Variants in NR2F1-AS1 observed in about 807,000 individuals in gnomAD.
NR2F1-AS1 encodes the protein NR2F1 regulatory antisense RNA 1.
intron 4 of NR2F1-AS1, among the ~76,000 whole-genome samples, chr5:93,436,532 T>C (rs1287139756): frequency 2.6e-5 from 4 of 152,172 alleles, no homozygotes; most frequent in Non-Finnish European, 5.9e-5. Flanking sequence ...CACTAACATA[T>C]TTCAGACATT....
chr5:93,477,897 T>A (rs1750518079), intron 4 of NR2F1-AS1, among the ~76,000 whole-genome samples: 1 of 152,202 alleles, frequency 6.6e-6, no homozygotes. Flanking sequence ...CTCATAATTA[T>A]AAATATAATC....
intron 4 of NR2F1-AS1, among the ~76,000 whole-genome samples, chr5:93,419,120 T>C (rs1305999766): frequency 6.6e-6 from 1 of 152,208 alleles, no homozygotes; most frequent in East Asian, 1.9e-4. Flanking sequence ...TGGCCAACAG[T>C]TGAAGGATGA....
chr5:93,568,388 CT>C (rs1220949853), intron 1 of NR2F1-AS1, among the ~76,000 whole-genome samples: 2 of 152,134 alleles, frequency 1.3e-5, no homozygotes, highest in African/African-American at 4.8e-5. Flanking sequence ...ATGCACCTTA[CT>C]ATGTCTTACT....
At chr5:93,433,937 C>T (rs1004682370) in intron 4 of NR2F1-AS1, among the ~76,000 whole-genome samples, 8 of 152,142 alleles carry the variant, frequency 5.3e-5, no homozygotes, top group Admixed American at 1.3e-4. Context: ...ATGACCTACA[C>T]GCAGCCTCCC....
chr5:93,486,238 A>C (rs891746663), intron 4 of NR2F1-AS1, among the ~76,000 whole-genome samples: 1 of 151,142 alleles, frequency 6.6e-6, no homozygotes, highest in Non-Finnish European at 1.5e-5. Flanking sequence ...CATTGTGCAC[A>C]TGTACCCTAA....
chr5:93,514,527 G>A (rs1751363759), intron 4 of NR2F1-AS1, among the ~76,000 whole-genome samples: 1 of 152,046 alleles, frequency 6.6e-6, no homozygotes, highest in Admixed American at 6.6e-5. Flanking sequence ...TGCAAATCTA[G>A]GAGAAAGACT....
chr5:93,578,032 T>C (rs1340790365), intron 1 of NR2F1-AS1, among the ~76,000 whole-genome samples: 1 of 152,188 alleles, frequency 6.6e-6, no homozygotes, highest in East Asian at 1.9e-4. Flanking sequence ...AATGAATGAC[T>C]TTCGGGAGAC....
At chr5:93,573,149 C>G (rs1752814454) in intron 1 of NR2F1-AS1, among the ~76,000 whole-genome samples, 1 of 152,230 alleles carries the variant, frequency 6.6e-6, no homozygotes, top group Non-Finnish European at 1.5e-5. Flanking sequence ...GTAGTCTTCG[C>G]AAGACCGCAG....
At chr5:93,462,635 A>C (rs1310839861) in intron 4 of NR2F1-AS1, among the ~76,000 whole-genome samples, 2 of 152,186 alleles carry the variant, frequency 1.3e-5, no homozygotes, top group Non-Finnish European at 2.9e-5. Flanking sequence ...AACTTCCTAG[A>C]GATTTGTTGA....
At chr5:93,422,641 T>C (rs1346706450) in intron 4 of NR2F1-AS1, among the ~76,000 whole-genome samples, 2 of 152,216 alleles carry the variant, frequency 1.3e-5, no homozygotes, top group Non-Finnish European at 2.9e-5. Context: ...TTTATCTTCA[T>C]ATTAAAACAA....
intron 1 of NR2F1-AS1, among the ~76,000 whole-genome samples, chr5:93,573,522 GGACATGGCCCTCACTGCAGT>G (rs1281833266): frequency 1.3e-5 from 2 of 152,146 alleles, no homozygotes; most frequent in African/African-American, 4.8e-5. Flanking sequence ...ACGAACAAGG[GGACATGGCCCTCACTGCAGT>G]GACAGGGCTT....
At chr5:93,524,201 G>A (rs546630264) in intron 4 of NR2F1-AS1, among the ~76,000 whole-genome samples, 3 of 151,862 alleles carry the variant, frequency 2.0e-5, no homozygotes, top group South Asian at 4.2e-4. Flanking sequence ...TGAGACCTTC[G>A]TGAAGCATAC....
intron 4 of NR2F1-AS1, among the ~76,000 whole-genome samples, chr5:93,445,513 T>A (rs1039837972): frequency 6.6e-6 from 1 of 151,918 alleles, no homozygotes; most frequent in Non-Finnish European, 1.5e-5. Context: ...GTTGAATCCC[T>A]GAATAGACCA....
intron 4 of NR2F1-AS1, among the ~76,000 whole-genome samples, chr5:93,548,853 A>C (rs916809607): frequency 2.6e-5 from 4 of 152,218 alleles, no homozygotes; most frequent in African/African-American, 4.8e-5. Context: ...CCTGGATGAT[A>C]AGAGTGAGAA....
intron 4 of NR2F1-AS1, chr5:93,544,132 T>G (rs1406715058): frequency 6.6e-6 from 1 of 152,164 alleles, no homozygotes; most frequent in African/African-American, 2.4e-5. Flanking sequence ...TAAAATATTT[T>G]TATACAAAGT....
At chr5:93,499,842 C>T (rs1751041391) in intron 4 of NR2F1-AS1, among the ~76,000 whole-genome samples, 1 of 152,200 alleles carries the variant, frequency 6.6e-6, no homozygotes, top group South Asian at 2.1e-4. Flanking sequence ...AGCCTTATTG[C>T]TGATGCAGAG....
chr5:93,501,038 C>T (rs1267781144), intron 4 of NR2F1-AS1, among the ~76,000 whole-genome samples: 3 of 152,082 alleles, frequency 2.0e-5, no homozygotes, highest in Non-Finnish European at 4.4e-5. Context: ...ATTCTAGATG[C>T]TATTAAAACA....
At chr5:93,422,937 C>G (rs1285323303) in intron 4 of NR2F1-AS1, among the ~76,000 whole-genome samples, 1 of 152,154 alleles carries the variant, frequency 6.6e-6, no homozygotes, top group Non-Finnish European at 1.5e-5. Context: ...CAGCCCCTAC[C>G]CCAGCGGCTG....
chr5:93,502,930 T>C (rs995987968), intron 4 of NR2F1-AS1, among the ~76,000 whole-genome samples: 1 of 152,106 alleles, frequency 6.6e-6, no homozygotes, highest in Non-Finnish European at 1.5e-5. Flanking sequence ...ACAAATTTAA[T>C]TCCATTTTAA....
Sources: gnomAD v4.1 joint callset for allele counts (sites outside exome capture counted in the v4.1 genomes callset) on GRCh38, gnomAD v4.1.1 for gene constraint, MANE v1.5 for transcripts, NCBI Gene and HGNC (gene_info 2026-07-23, HGNC 2026-07-21) for gene names.